The following MIB1 variants were observed in gnomAD, a reference collection of about 807,000 sequenced individuals.
MIB1 encodes the protein MIB E3 ubiquitin protein ligase 1.
MIB1 carries 278 observed loss-of-function variants against 124.5 expected under a neutral mutation model. The ratio of observed to expected loss-of-function variants is 2.23; its 90% CI spans 2.02 to 2.47. MIB1 has a LOEUF of 2.47. Ranked by LOEUF, MIB1 falls within the 30% of genes most tolerant of loss-of-function variation. The pLI is 0.00. For synonymous variants in MIB1, 446 were observed against 429.4 expected (o/e 1.04, Z -0.48); for missense variants, 957 against 1,254.4 (o/e 0.76, Z 3.58).
chr18:21,724,706 C>G (rs2040729690), intron 1 of MIB1, among the ~76,000 whole-genome samples: 1 of 60,530 alleles, frequency 1.7e-5, no homozygotes, highest in Non-Finnish European at 2.8e-5. Flanking sequence ...CTCTGTCTCC[C>G]CCATCCAAAA....
chr18:21,752,457 T>G (rs1194057499), intron 1 of MIB1, among the ~76,000 whole-genome samples: 1 of 152,188 alleles, frequency 6.6e-6, no homozygotes, highest in African/African-American at 2.4e-5. Flanking sequence ...GCTTTTTCCT[T>G]TAGGAAATAA....
At chr18:21,772,004 A>C (rs752386522) in intron 3 of MIB1, among the ~76,000 whole-genome samples, 6 of 152,170 alleles carry the variant, frequency 3.9e-5, no homozygotes, top group Non-Finnish European at 7.4e-5. Context: ...AAAAATTTAC[A>C]TATGCTGTAT....
intron 8 of MIB1, 126 bp downstream of exon 8, chr18:21,798,354 T>C: frequency 1.1e-6 from 1 of 932,220 alleles, no homozygotes; most frequent in Middle Eastern, 2.4e-4. Context: ...TACACAGCCT[T>C]ACTTGAATGT....
chr18:21,815,639 TCAC>T lies in MIB1; in HGVS notation c.1506_1508del (p.His503del). The T allele has an allele frequency of 6.2e-7, 1 of 1,614,194 alleles. No homozygotes were observed. The highest frequency in any genetic ancestry group is 8.5e-7 in the Non-Finnish European group (1 of 1,180,004). On this transcript the variant is annotated inframe_deletion, in exon 11 of 21. Coordinates refer to ENST00000261537, the MANE Select transcript of MIB1 (RefSeq NM_020774.4). ...AGGATAAAGATGGTGATAGAGCAGT[TCAC>T]CATGCAGCTTTTGGAGATGAAGGCG...
At chr18:21,808,955 C>A (rs989920012) in intron 10 of MIB1, among the ~76,000 whole-genome samples, 2 of 151,494 alleles carry the variant, frequency 1.3e-5, no homozygotes, top group African/African-American at 4.9e-5. Flanking sequence ...TAAAAAAAAA[C>A]TGCTTCAAAT....
chr18:21,746,716 T>G (rs45591933), intron 1 of MIB1, among the ~76,000 whole-genome samples: 2,896 of 152,314 alleles, frequency 0.019, 41 homozygotes, highest in East Asian at 0.069. Context: ...GTTCTGTCAT[T>G]CTTCGTGTCG....
At chr18:21,724,180 G>C (rs2040727229) in intron 1 of MIB1, 1 of 152,638 alleles carries the variant, frequency 6.6e-6, no homozygotes, top group Non-Finnish European at 1.5e-5. Context: ...GGAAGAAACA[G>C]ATTTCTTTGT....
intron 4 of MIB1, among the ~76,000 whole-genome samples, chr18:21,774,125 T>A (rs2041253823): frequency 6.6e-6 from 1 of 152,230 alleles, no homozygotes; most frequent in Non-Finnish European, 1.5e-5. Flanking sequence ...AATATTAAAA[T>A]TATTTTTTAG....
chr18:21,761,981 G>A (rs1349316985), intron 1 of MIB1, among the ~76,000 whole-genome samples: 3 of 152,086 alleles, frequency 2.0e-5, no homozygotes, highest in East Asian at 3.9e-4. Context: ...GGGAGTACAC[G>A]GTGGGGGGGA....
In MIB1 at chr18:21,864,724, CT is replaced by C; in HGVS notation, c.*62del. 1 of 1,376,626 alleles carries C rather than the reference CT, an allele frequency of 7.3e-7. No homozygotes were observed. The highest frequency in any genetic ancestry group is 1.0e-6 in the Non-Finnish European group (1 of 991,538). 85.3% of individuals were successfully genotyped at this position (1,376,626 alleles called of 1,614,324 possible). A position where few individuals can be genotyped will look rare whatever the true frequency, so the allele number is the denominator to read the frequency against. On this transcript the variant is annotated 3_prime_UTR_variant, in exon 21 of 21. Coordinates refer to ENST00000261537, the MANE Select transcript of MIB1 (RefSeq NM_020774.4). ...TATCTAGTCATGAGATCTTAATAGG[CT>C]TTTGATCTAGTTGGAAGTTCTGATG...
chr18:21,841,962 A>G (rs2042093514), intron 13 of MIB1, among the ~76,000 whole-genome samples: 1 of 151,946 alleles, frequency 6.6e-6, no homozygotes, highest in African/African-American at 2.4e-5. Context: ...TGAGAAATAG[A>G]CATGATAAAG....
chr18:21,737,468 A>G (rs955976084), upstream of MIB1, among the ~76,000 whole-genome samples: 4 of 152,204 alleles, frequency 2.6e-5, no homozygotes, highest in Non-Finnish European at 5.9e-5. Context: ...AAACTGCATC[A>G]GCTAATGGGC....
intron 2 of MIB1, among the ~76,000 whole-genome samples, chr18:21,766,308 C>A (rs2041158169): frequency 6.6e-6 from 1 of 152,126 alleles, no homozygotes; most frequent in South Asian, 2.1e-4. Flanking sequence ...TTGATTGAGT[C>A]AGTAGGCATT....
intron 1 of MIB1, among the ~76,000 whole-genome samples, chr18:21,743,013 C>T (rs567980475): frequency 4.4e-4 from 67 of 152,294 alleles, no homozygotes; most frequent in African/African-American, 2.6e-4. Flanking sequence ...AACTCCTGGC[C>T]TCAAGCAACC....
chr18:21,840,636 T>C (rs2042075297), intron 13 of MIB1, among the ~76,000 whole-genome samples: 3 of 3,562 alleles, frequency 8.4e-4, no homozygotes, highest in Non-Finnish European at 1.3e-3. Flanking sequence ...TGTATATATA[T>C]ATATATATAT....
In MIB1 at chr18:21,868,350, T is replaced by C. The variant is rs1167798284; in HGVS notation, c.*3684T>C. 6.6e-6 allele frequency: 1 copy of C among 152,540 alleles called. No homozygotes were observed. Among genetic ancestry groups the C allele is most frequent in the African/African-American group, 2.4e-5 (1 of 41,438 alleles). 9.4% of individuals were successfully genotyped at this position (152,540 alleles called of 1,614,324 possible). On this transcript the variant is annotated 3_prime_UTR_variant, in exon 21 of 21. Transcript: ENST00000261537. ...GAAACACCTAAATTCTTTAGTTGTT[T>C]GTGTTTGCAAGATCTAAGGTCATGG...
At chr18:21,802,812 T>C (rs2041664116) in intron 9 of MIB1, among the ~76,000 whole-genome samples, 1 of 152,232 alleles carries the variant, frequency 6.6e-6, no homozygotes, top group Non-Finnish European at 1.5e-5. Flanking sequence ...TGCATTATGG[T>C]GATTGGGTAT....
intron 6 of MIB1, among the ~76,000 whole-genome samples, chr18:21,784,088 C>T (rs1277196069): frequency 7.3e-6 from 1 of 137,314 alleles, no homozygotes; most frequent in Non-Finnish European, 1.5e-5. Flanking sequence ...CTCGCTATGT[C>T]ACCAGGCTGG....
At chr18:21,798,331 C>A (rs551994180) in intron 8 of MIB1, 103 bp downstream of exon 8, 2 of 1,183,632 alleles carry the variant, frequency 1.7e-6, no homozygotes, top group African/African-American at 3.1e-5. Context: ...ATGTGCTTGG[C>A]TTTGTCCCAG....
Sources: gnomAD v4.1 joint callset for allele counts (sites outside exome capture counted in the v4.1 genomes callset) on GRCh38, gnomAD v4.1.1 for gene constraint, MANE v1.5 for transcripts, NCBI Gene and HGNC (gene_info 2026-07-23, HGNC 2026-07-21) for gene names.